Variants in EYA4 observed in about 807,000 individuals in gnomAD.
The protein encoded by EYA4 is EYA transcriptional coactivator and phosphatase 4, also known as protein phosphatase EYA4.
In EYA4, 31 loss-of-function variants were observed where a neutral mutation model predicts 87.9. The ratio of observed to expected loss-of-function variants is 0.35; its 90% CI spans 0.27 to 0.48. The LOEUF (loss-of-function observed/expected upper bound fraction) is 0.48. Ranked by LOEUF, EYA4 falls within the 20% of genes least tolerant of loss-of-function variation. The pLI, the probability that EYA4 is intolerant of heterozygous loss-of-function variation, is 0.99. For synonymous variants in EYA4, 263 were observed against 270.6 expected (o/e 0.97, Z 0.28); for missense variants, 678 against 761.4 (o/e 0.89, Z 1.29).
chr6:133,463,933 C>T (rs1476710999), intron 9 of EYA4, among the ~76,000 whole-genome samples: 1 of 151,888 alleles, frequency 6.6e-6, no homozygotes, highest in African/African-American at 2.4e-5. Context: ...AAAATTCATA[C>T]AGCTTCAGTT....
At chr6:133,370,458 A>C (rs1322297380) in intron 2 of EYA4, among the ~76,000 whole-genome samples, 1 of 152,258 alleles carries the variant, frequency 6.6e-6, no homozygotes, top group Non-Finnish European at 1.5e-5. Flanking sequence ...AAACTTGTAC[A>C]TAGGAACTGA....
intron 17 of EYA4, 56 bp downstream of exon 17, chr6:133,515,491 G>A (rs1406047025): frequency 1.1e-5 from 11 of 1,034,612 alleles, no homozygotes; most frequent in African/African-American, 4.7e-5. Context: ...AGTTCTAATT[G>A]TACAACATAG....
At chr6:133,487,107 G>A (rs1306233478) in intron 13 of EYA4, among the ~76,000 whole-genome samples, 1 of 152,192 alleles carries the variant, frequency 6.6e-6, no homozygotes, top group South Asian at 2.1e-4. Context: ...AGTGAGTGTA[G>A]GTTTTTGCAT....
At position 133,407,254 on chromosome 6, in the gene EYA4, T is replaced by G. The variant is rs1220852529; in HGVS notation, c.83+24813T>G. On this transcript the variant is annotated intron_variant, in intron 3 of 19. Coordinates refer to ENST00000355286, the MANE Select transcript of EYA4 (RefSeq NM_004100.5). ...CTGTGAAATAAAGGAGTCTAGGGTTTTTTTTTTTTTTTTTTGGAAGGAAAC... is the reference window on the plus strand; with the variant it reads ...CTGTGAAATAAAGGAGTCTAGGGTTGTTTTTTTTTTTTTTTGGAAGGAAAC... Among the ~76,000 whole-genome samples, 4 of 27,112 alleles carry G rather than the reference T, an allele frequency of 1.5e-4. No homozygotes were observed. In the South Asian group the frequency reaches 5.4e-3, roughly 37 times the overall value. The allele number at this position is 27,112 out of a possible 152,430, so 17.8% of individuals were successfully genotyped here. A position where few individuals can be genotyped will look rare whatever the true frequency, so the allele number is the denominator to read the frequency against.
At chr6:133,464,630 C>T (rs919806340) in intron 9 of EYA4, 149 bp from the exon 10 acceptor site, 2 of 655,806 alleles carry the variant, frequency 3.0e-6, no homozygotes, top group East Asian at 2.8e-5. Flanking sequence ...GAGAGCTAAG[C>T]CTATTTTCTG....
rs146629548 is a variant in EYA4 at position 133,482,871 on chromosome 6, G to GAGTTAGTT, written c.1108-155_1108-154insTTAGTTAG. 3.4e-4 allele frequency among the ~76,000 whole-genome samples: 52 copies of GAGTTAGTT among 152,176 alleles called. 1 individual carries two copies. Among genetic ancestry groups the GAGTTAGTT allele is most frequent in the African/African-American group, 1.2e-3 (51 of 41,536 alleles). On this transcript the variant is annotated intron_variant, in intron 12 of 19. Coordinates refer to ENST00000355286, the MANE Select transcript of EYA4 (RefSeq NM_004100.5). ...AATTCCTGCTCCTCAGGCTTTATAG[G>GAGTTAGTT]AGTTAGATTTGGCAAATTTGAAAAA...
chr6:133,483,011 A>ATAT, intron 12 of EYA4, 21 bp from the exon 13 acceptor site: 1 of 1,598,334 alleles, frequency 6.3e-7, no homozygotes, highest in Non-Finnish European at 8.6e-7. Context: ...TAATTTTCTG[A>ATAT]TATTTATTTT....
At chr6:133,427,359 G>A (rs922221600) in intron 3 of EYA4, among the ~76,000 whole-genome samples, 2 of 152,100 alleles carry the variant, frequency 1.3e-5, no homozygotes, top group African/African-American at 4.8e-5. Context: ...ATGTTATCTG[G>A]AATTTTTATG....
Position 133,462,507 on chromosome 6 carries a change from G to A in EYA4, c.580+30G>A, listed in dbSNP as rs368278011. The A allele has an allele frequency of 2.5e-6, 4 of 1,613,688 alleles. No homozygotes were observed. In the African/African-American group the frequency reaches 4.0e-5, roughly 16 times the overall value. On this transcript the variant is annotated intron_variant, in intron 8 of 19. Coordinates refer to ENST00000355286, the MANE Select transcript of EYA4 (RefSeq NM_004100.5). ...TTCACATCTTCTGTTTTCTTCTTTG[G>A]TTATAGGCAGGTAATCCTGCTGGCT...
intron 19 of EYA4, 38 bp from the exon 20 acceptor site, chr6:133,528,687 C>G: frequency 7.2e-7 from 1 of 1,394,462 alleles, no homozygotes; most frequent in Non-Finnish European, 1.0e-6. Flanking sequence ...CATTCCTTCC[C>G]CTTCTCTCTC....
At chr6:133,263,990 C>T (rs1329724205) in intron 1 of EYA4, among the ~76,000 whole-genome samples, 1 of 152,200 alleles carries the variant, frequency 6.6e-6, no homozygotes, top group Admixed American at 6.5e-5. Flanking sequence ...GGATTTAAAG[C>T]AGTAGGGAAT....
At chr6:133,373,599 T>C (rs1441291720) in intron 2 of EYA4, among the ~76,000 whole-genome samples, 1 of 152,102 alleles carries the variant, frequency 6.6e-6, no homozygotes. Context: ...ATTATGATCA[T>C]TAAGTGATAA....
intron 2 of EYA4, among the ~76,000 whole-genome samples, chr6:133,326,483 G>T (rs1277282928): frequency 6.6e-6 from 1 of 152,190 alleles, no homozygotes; most frequent in African/African-American, 2.4e-5. Context: ...AAGCCTTTTG[G>T]ATAAGGGACA....
intron 1 of EYA4, among the ~76,000 whole-genome samples, chr6:133,270,615 A>G (rs1003181125): frequency 2.0e-5 from 3 of 152,182 alleles, no homozygotes; most frequent in African/African-American, 4.8e-5. Flanking sequence ...TGCCTTCAGC[A>G]AGCACCTCAA....
intron 14 of EYA4, among the ~76,000 whole-genome samples, chr6:133,510,232 A>G (rs1323549209): frequency 6.6e-6 from 1 of 152,190 alleles, no homozygotes; most frequent in Non-Finnish European, 1.5e-5. Context: ...ATAACTTCTG[A>G]TTACCAGGGA....
In EYA4 at chr6:133,273,097, G is replaced by GTATA. The variant is rs3065331; in HGVS notation, c.-65-1602_-65-1599dup. 7.1e-3 allele frequency among the ~76,000 whole-genome samples: 753 copies of GTATA among 106,620 alleles called. 11 individuals are homozygous for GTATA. Among genetic ancestry groups the GTATA allele is most frequent in the Middle Eastern group, 0.031 (6 of 194 alleles). 69.9% of individuals were successfully genotyped at this position (106,620 alleles called of 152,430 possible). A position where few individuals can be genotyped will look rare whatever the true frequency, so the allele number is the denominator to read the frequency against. ...CAGAACTAATAGGAGATATATATAT[G>GTATA]TATATATATATATATATATAAAGGG... On this transcript the variant is annotated intron_variant, in intron 1 of 19. Transcript: ENST00000355286.
At chr6:133,338,765 A>G (rs1277482548) in intron 2 of EYA4, among the ~76,000 whole-genome samples, 1 of 152,192 alleles carries the variant, frequency 6.6e-6, no homozygotes, top group Non-Finnish European at 1.5e-5. Flanking sequence ...AAGAGGTAAC[A>G]ATTTTAGTTC....
intron 1 of EYA4, among the ~76,000 whole-genome samples, chr6:133,249,801 C>G (rs1774739109): frequency 6.6e-6 from 1 of 152,190 alleles, no homozygotes; most frequent in African/African-American, 2.4e-5. Flanking sequence ...TTGAACGTTT[C>G]TTTCTTGTTA....
chr6:133,489,970 A>C (rs571007345), intron 13 of EYA4, among the ~76,000 whole-genome samples: 160 of 152,290 alleles, frequency 1.1e-3, no homozygotes, highest in Non-Finnish European at 2.0e-3. Context: ...AAGACATAGT[A>C]AAATAGGATA....
Sources: allele counts gnomAD v4.1 joint callset (sites outside exome capture counted in the v4.1 genomes callset), GRCh38; gene constraint gnomAD v4.1.1; transcripts MANE v1.5; gene names NCBI Gene and HGNC (gene_info 2026-07-23, HGNC 2026-07-21).